PAPOLA: variants seen among roughly 807,000 people sequenced by gnomAD.
PAPOLA encodes the protein polynucleotide adenylyltransferase alpha.
Under a neutral mutation model 100.6 loss-of-function variants are expected in PAPOLA, and 15 were observed. That is an observed-to-expected ratio of 0.15 (90% CI 0.10 to 0.23). The LOEUF is 0.23. Among genes scored for constraint, PAPOLA ranks in the 10% least tolerant of loss-of-function variants. The pLI is 1.00. For missense variants in PAPOLA, 533 were observed against 884.2 expected, an observed-to-expected ratio of 0.60 and a Z score of 5.04; for synonymous variants, 293 against 300.0, an observed-to-expected ratio of 0.98 and a Z score of 0.24.
At chr14:96,537,690 G>A (rs181597454) in intron 12 of PAPOLA, 1 of 152,078 alleles carries the variant, frequency 6.6e-6, no homozygotes, top group East Asian at 1.9e-4. Flanking sequence ...GATGAAAAAT[G>A]TAAGTTATAA....
chr14:96,562,987 A>G, intron 21 of PAPOLA, 94 bp downstream of exon 21: 1 of 724,044 alleles, frequency 1.4e-6, no homozygotes, highest in Non-Finnish European at 2.4e-6. Flanking sequence ...AAGACTATTA[A>G]AATTAATCTT....
chr14:96,550,234 C>T (rs1900734506), intron 16 of PAPOLA, among the ~76,000 whole-genome samples: 1 of 152,098 alleles, frequency 6.6e-6, no homozygotes, highest in Non-Finnish European at 1.5e-5. Flanking sequence ...TAGAACTTGG[C>T]TATTTCTTAT....
intron 3 of PAPOLA, among the ~76,000 whole-genome samples, chr14:96,522,443 C>G (rs1045481884): frequency 2.0e-5 from 3 of 151,532 alleles, no homozygotes; most frequent in African/African-American, 7.3e-5. Context: ...GACAGGGTCT[C>G]CCTCTTGCCC....
At chr14:96,550,917 C>T (rs181603219) in intron 16 of PAPOLA, among the ~76,000 whole-genome samples, 156 of 152,202 alleles carry the variant, frequency 1.0e-3, no homozygotes, top group African/African-American at 3.6e-3. Context: ...ATTTAATATT[C>T]CACCAACCCA....
rs1897917393 is a variant in PAPOLA at position 96,521,001 on chromosome 14, A to C, written c.183-5A>C. 7.5e-7 allele frequency: 1 copy of C among 1,326,154 alleles called. No individual in the cohort carries two copies. The highest frequency in any genetic ancestry group is 1.1e-6 in the Non-Finnish European group (1 of 917,798). The allele number at this position is 1,326,154 out of a possible 1,614,324, so 82.1% of individuals were successfully genotyped here. A position where few individuals can be genotyped will look rare whatever the true frequency, so the allele number is the denominator to read the frequency against. ...ATACTTGATTGATAATTGTTTTATC[A>C]ACAGGATTTTAATTTTGGGAAAACT... On this transcript the variant is annotated splice_region_variant and splice_polypyrimidine_tract_variant and intron_variant, in intron 2 of 21. Coordinates refer to ENST00000216277, the MANE Select transcript of PAPOLA (RefSeq NM_032632.5).
At chr14:96,533,033 G>GTT in intron 9 of PAPOLA, 13 of 902,624 alleles carry the variant, frequency 1.4e-5, no homozygotes, top group Non-Finnish European at 1.7e-5. Context: ...TCTTGTGATT[G>GTT]TTTTTTTTTT....
At position 96,520,066 on chromosome 14, in the gene PAPOLA, C is replaced by T. The variant is rs1897816256; in HGVS notation, c.20C>T (p.Thr7Ile). Residue 7 changes from threonine (T) to isoleucine (I), a missense_variant, in exon 2 of 22, where the codon ACA becomes ATA. Thr to Ile is a moderately conservative substitution (Grantham distance 89, BLOSUM62 -1). Transcript: ENST00000216277. MPFPVTTQGSQQTQPPQ... is the reference protein window; with the variant it reads MPFPVTIQGSQQTQPPQ... ...AATTTTGTTTATAGTCCAGTTACAA[C>T]ACAGGGATCACAACAAACACAACCG... 5.6e-6 allele frequency: 9 copies of T among 1,609,254 alleles called. No homozygotes were observed. In the South Asian group the frequency reaches 7.8e-5, roughly 14 times the overall value.
chr14:96,502,649 G>A (rs1236235527), intron 1 of PAPOLA, 49 bp downstream of exon 1: 2 of 1,555,270 alleles, frequency 1.3e-6, no homozygotes, highest in Non-Finnish European at 1.7e-6. Context: ...TGGGCCTTGG[G>A]GGGCGTCCGG....
chr14:96,508,685 CT>C (rs1206066359), intron 1 of PAPOLA, among the ~76,000 whole-genome samples: 2 of 152,138 alleles, frequency 1.3e-5, no homozygotes, highest in Non-Finnish European at 2.9e-5. Flanking sequence ...AAGCTAGCTT[CT>C]TTCAGGTAAA....
Position 96,530,399 on chromosome 14 carries a change from T to G in PAPOLA, c.496-1076T>G, listed in dbSNP as rs75171738. Among the ~76,000 whole-genome samples, 387 of 151,866 alleles carry G rather than the reference T, an allele frequency of 2.5e-3. 4 individuals are homozygous for G. The highest frequency in any genetic ancestry group is 9.2e-3 in the African/African-American group (380 of 41,476). On this transcript the variant is annotated intron_variant, in intron 6 of 21. Coordinates refer to ENST00000216277, the MANE Select transcript of PAPOLA (RefSeq NM_032632.5). ...GTTTGTTTGTTTTTTTTTTTCTTTT[T>G]TTTTTTTCTGAGGCAGGGTCTTACT...
chr14:96,513,614 C>T (rs568259730), intron 1 of PAPOLA, among the ~76,000 whole-genome samples: 27 of 152,154 alleles, frequency 1.8e-4, no homozygotes, highest in African/African-American at 5.8e-4. Context: ...AATAAGGGCT[C>T]GTTTTTTTTA....
Position 96,565,209 on chromosome 14 carries a change from G to C in PAPOLA, c.*159G>C, listed in dbSNP as rs1902178373. On this transcript the variant is annotated 3_prime_UTR_variant, in exon 22 of 22. Transcript: ENST00000216277. Reference sequence around the variant, plus strand: ...TGGGCTAATCAGCACTTGATCGGAAGTCCAGGTTAGTATGTGAAGCCAGGA... The same window carrying C: ...TGGGCTAATCAGCACTTGATCGGAACTCCAGGTTAGTATGTGAAGCCAGGA... 3.6e-6 allele frequency: 2 copies of C among 555,686 alleles called. No individual in the cohort carries two copies. The highest frequency in any genetic ancestry group is 6.5e-6 in the Non-Finnish European group (2 of 305,830). The allele number at this position is 555,686 out of a possible 1,614,324, so 34.4% of individuals were successfully genotyped here. A position where few individuals can be genotyped will look rare whatever the true frequency, so the allele number is the denominator to read the frequency against.
intron 1 of PAPOLA, among the ~76,000 whole-genome samples, chr14:96,507,280 G>GTTTTTTGTTTTTTTTTTTTTT (rs1413020909): frequency 1.2e-5 from 1 of 80,720 alleles, no homozygotes; most frequent in African/African-American, 5.7e-5. Flanking sequence ...TTGGAAAATA[G>GTTTTTTGTTTTTTTTTTTTTT]TTTTTTTTTT....
At chr14:96,506,681 G>T (rs887979313) in intron 1 of PAPOLA, among the ~76,000 whole-genome samples, 8 of 152,144 alleles carry the variant, frequency 5.3e-5, no homozygotes, top group Non-Finnish European at 8.8e-5. Flanking sequence ...TAGTTTTAAT[G>T]CTGTATAATG....
At chr14:96,560,745 A>G in intron 20 of PAPOLA, 34 bp downstream of exon 20, 1 of 1,235,500 alleles carries the variant, frequency 8.1e-7, no homozygotes, top group Non-Finnish European at 1.2e-6. Context: ...TACATACACA[A>G]TTAAGAGTAC....
intron 15 of PAPOLA, among the ~76,000 whole-genome samples, chr14:96,545,235 A>G (rs1900297077): frequency 6.6e-6 from 1 of 152,212 alleles, no homozygotes; most frequent in Middle Eastern, 3.4e-3. Context: ...AAAAGTCAGT[A>G]TCGTACACTA....
intron 7 of PAPOLA, chr14:96,531,887 T>C: frequency 7.3e-7 from 1 of 1,364,902 alleles, no homozygotes; most frequent in Non-Finnish European, 9.4e-7. Flanking sequence ...CAAATTAATT[T>C]TGATCCTGTT....
intron 2 of PAPOLA, 143 bp downstream of exon 2, chr14:96,520,371 T>A: frequency 1.6e-6 from 1 of 643,340 alleles, no homozygotes; most frequent in Non-Finnish European, 2.6e-6. Context: ...GAGGGATACT[T>A]AAGAGAGAAA....
At chr14:96,531,777 A>G (rs1399307160) in intron 7 of PAPOLA, 191 bp downstream of exon 7, 13 of 1,443,414 alleles carry the variant, frequency 9.0e-6, no homozygotes, top group East Asian at 2.5e-5. Flanking sequence ...TATTTTATAC[A>G]CTGTATTTCT....
Sources: gnomAD v4.1 joint callset for allele counts (sites outside exome capture counted in the v4.1 genomes callset) on GRCh38, gnomAD v4.1.1 for gene constraint, MANE v1.5 for transcripts, NCBI Gene and HGNC (gene_info 2026-07-23, HGNC 2026-07-21) for gene names.